The following RORA variants were observed in gnomAD, a reference collection of about 807,000 sequenced individuals.
RORA encodes RAR related orphan receptor A.
A neutral mutation model predicts 69.5 loss-of-function variants in RORA; 7 were observed. The ratio of observed to expected loss-of-function variants is 0.10; its 90% CI spans 0.06 to 0.19. The LOEUF (loss-of-function observed/expected upper bound fraction) is 0.19, where lower values mean the gene tolerates loss of function less well. Among genes scored for constraint, RORA ranks in the 10% least tolerant of loss-of-function variants. RORA has a pLI of 1.00. For missense variants in RORA, 457 were observed against 663.0 expected (o/e 0.69, Z 3.41); for synonymous variants, 261 against 240.8 (o/e 1.08, Z -0.78).
At chr15:61,220,942 C>G (rs2080090050) in intron 1 of RORA, among the ~76,000 whole-genome samples, 1 of 152,186 alleles carries the variant, frequency 6.6e-6, no homozygotes, top group Non-Finnish European at 1.5e-5. Flanking sequence ...ACTCCCCAGC[C>G]CCAAACAGGC....
At chr15:60,657,256 C>T (rs1052790515) in intron 2 of RORA, among the ~76,000 whole-genome samples, 4 of 152,120 alleles carry the variant, frequency 2.6e-5, no homozygotes, top group African/African-American at 7.2e-5. Context: ...TCCTCTCCCT[C>T]TCCCCATCCC....
At chr15:60,965,916 T>A (rs1893543261) in intron 1 of RORA, among the ~76,000 whole-genome samples, 1 of 152,164 alleles carries the variant, frequency 6.6e-6, no homozygotes, top group Non-Finnish European at 1.5e-5. Context: ...TATATATGTA[T>A]TAGTTTGCTA....
intron 1 of RORA, among the ~76,000 whole-genome samples, chr15:60,959,515 A>T (rs990796676): frequency 6.6e-6 from 1 of 152,160 alleles, no homozygotes; most frequent in Admixed American, 6.5e-5. Context: ...GGAGCCTTAA[A>T]ATAAAAGGGT....
intron 1 of RORA, among the ~76,000 whole-genome samples, chr15:60,895,855 G>A (rs1891219579): frequency 6.6e-6 from 1 of 152,116 alleles, no homozygotes; most frequent in African/African-American, 2.4e-5. Context: ...AGGCTTCACT[G>A]CTCAATTTGT....
At chr15:60,532,664 T>C (rs984222532) in intron 2 of RORA, among the ~76,000 whole-genome samples, 15 of 152,082 alleles carry the variant, frequency 9.9e-5, no homozygotes, top group African/African-American at 2.7e-4. Context: ...AAAAAGAGCA[T>C]AATTAAGGAT....
At chr15:60,708,666 C>T (rs1436521707) in intron 1 of RORA, among the ~76,000 whole-genome samples, 1 of 152,196 alleles carries the variant, frequency 6.6e-6, no homozygotes, top group Admixed American at 6.5e-5. Flanking sequence ...ACATCTTCCC[C>T]TCCCTCCCAA....
intron 3 of RORA, among the ~76,000 whole-genome samples, chr15:60,516,070 T>A (rs1252391569): frequency 4.4e-5 from 3 of 67,768 alleles, no homozygotes; most frequent in African/African-American, 2.2e-4. Flanking sequence ...TATATATTTA[T>A]ATATATTTAT....
intron 1 of RORA, among the ~76,000 whole-genome samples, chr15:60,984,144 T>C (rs1194341541): frequency 6.6e-6 from 1 of 152,198 alleles, no homozygotes; most frequent in Non-Finnish European, 1.5e-5. Context: ...GTTTCTCATA[T>C]ACAATTATTT....
At chr15:60,514,504 G>C in intron 4 of RORA, 112 bp downstream of exon 4, 1 of 1,040,026 alleles carries the variant, frequency 9.6e-7, no homozygotes, top group Non-Finnish European at 1.5e-6. Flanking sequence ...GGCGTAAGGT[G>C]GAATAATGAG....
At chr15:61,119,414 CTA>C (rs1555412642) in intron 1 of RORA, among the ~76,000 whole-genome samples, 32 of 144,062 alleles carry the variant, frequency 2.2e-4, no homozygotes, top group South Asian at 8.8e-4. Flanking sequence ...TATACACACA[CTA>C]TATATATATA....
At position 60,490,543 on chromosome 15, in the gene RORA, G is replaced by A. The variant is rs1013533952; in HGVS notation, c.*6912C>T. 10 of 152,090 alleles carry A rather than the reference G, an allele frequency of 6.6e-5. No homozygotes were observed. The highest frequency in any genetic ancestry group is 6.5e-4 in the Admixed American group (10 of 15,276). The allele number at this position is 152,090 out of a possible 1,614,324, so 9.4% of individuals were successfully genotyped here. Reference sequence around the variant, plus strand: ...AAAGCAGGGACAGGTAAATTTGAAAGAAGAGTAAGAGAGAAAATGTTTACA... The same window carrying A: ...AAAGCAGGGACAGGTAAATTTGAAAAAAGAGTAAGAGAGAAAATGTTTACA... On this transcript the variant is annotated 3_prime_UTR_variant, in exon 11 of 11. Coordinates refer to ENST00000335670, the MANE Select transcript of RORA (RefSeq NM_134261.3). The surrounding 1 kb of genome is among the most constrained non-coding windows in gnomAD (Gnocchi z 4.1).
chr15:60,917,399 G>A (rs1891907629), intron 1 of RORA, among the ~76,000 whole-genome samples: 1 of 152,172 alleles, frequency 6.6e-6, no homozygotes, highest in Non-Finnish European at 1.5e-5. Context: ...GTGTCAAGGT[G>A]CAGCCCTTAT....
rs1448435633 is a variant in RORA, at chr15:60,491,384, T to C, written c.*6071A>G. ...TAGAAGGATGAAAGTAAAAGAAGTGTGGTACTGCTAATGTGGCAAAGTACA... is the reference window on the plus strand; with the variant it reads ...TAGAAGGATGAAAGTAAAAGAAGTGCGGTACTGCTAATGTGGCAAAGTACA... On this transcript the variant is annotated 3_prime_UTR_variant, in exon 11 of 11. Transcript: ENST00000335670. 1 of 152,140 alleles carries C rather than the reference T, an allele frequency of 6.6e-6. No individual in the cohort carries two copies. Among genetic ancestry groups the C allele is most frequent in the East Asian group, 1.9e-4 (1 of 5,194 alleles). 9.4% of individuals were successfully genotyped at this position (152,140 alleles called of 1,614,324 possible).
chr15:60,530,115 G>A (rs988271899), intron 3 of RORA: 1 of 152,274 alleles, frequency 6.6e-6, no homozygotes, highest in African/African-American at 2.4e-5. Context: ...CAGGGACACA[G>A]ATTTGGGAGG....
chr15:60,714,189 G>C (rs1056729236), intron 1 of RORA, among the ~76,000 whole-genome samples: 3 of 151,922 alleles, frequency 2.0e-5, no homozygotes, highest in African/African-American at 4.8e-5. Context: ...AAGTAGCTGA[G>C]ATTACAGGTG....
chr15:61,214,867 T>TTC (rs1316465273), intron 1 of RORA, among the ~76,000 whole-genome samples: 6 of 143,564 alleles, frequency 4.2e-5, no homozygotes, highest in African/African-American at 1.6e-4. Flanking sequence ...CTTGGACTTT[T>TTC]TTTTTTTTTT....
intron 1 of RORA, among the ~76,000 whole-genome samples, chr15:61,076,991 A>G (rs2078461081): frequency 6.6e-6 from 1 of 152,044 alleles, no homozygotes; most frequent in African/African-American, 2.4e-5. Context: ...TGGGCCGTTG[A>G]CTGTGACTGT....
chr15:61,083,198 C>T (rs940266801), intron 1 of RORA, among the ~76,000 whole-genome samples: 2 of 152,182 alleles, frequency 1.3e-5, no homozygotes, highest in African/African-American at 2.4e-5. Context: ...ACTGATGTTC[C>T]GTTGTCCCGA....
intron 1 of RORA, among the ~76,000 whole-genome samples, chr15:61,084,691 T>C (rs1337157639): frequency 6.6e-5 from 10 of 152,210 alleles, no homozygotes; most frequent in Admixed American, 1.3e-4. Flanking sequence ...AACAGAGCAA[T>C]GCACAGAACC....
Sources: allele counts gnomAD v4.1 joint callset (sites outside exome capture counted in the v4.1 genomes callset), GRCh38; gene constraint gnomAD v4.1.1; non-coding constraint Gnocchi (gnomAD v3.1); transcripts MANE v1.5; gene names NCBI Gene and HGNC (gene_info 2026-07-23, HGNC 2026-07-21).